Variants in SMG6 observed in about 807,000 individuals in gnomAD.
SMG6 encodes telomerase-binding protein EST1A.
In SMG6, 66 loss-of-function variants were observed where a neutral mutation model predicts 142.2. The observed-to-expected ratio is 0.46, with a 90% CI of 0.38 to 0.57. The LOEUF (loss-of-function observed/expected upper bound fraction) is 0.57. SMG6 is among the 20% of genes least tolerant of loss of function. The probability of loss-of-function intolerance (pLI) is 0.00; values close to 1 mark genes in which losing one functional copy is unlikely to be tolerated. For missense variants in SMG6, 1,793 were observed against 1,832.0 expected (o/e 0.98, Z 0.39); for synonymous variants, 779 against 702.4 (o/e 1.11, Z -1.72).
chr17:2,271,383 G>A (rs2074539889), intron 8 of SMG6, among the ~76,000 whole-genome samples: 1 of 151,058 alleles, frequency 6.6e-6, no homozygotes. Flanking sequence ...GAGCCACCAT[G>A]CCCAGCCAAG....
intron 13 of SMG6, among the ~76,000 whole-genome samples, chr17:2,140,976 G>A (rs1251944229): frequency 6.6e-6 from 1 of 152,208 alleles, no homozygotes; most frequent in African/African-American, 2.4e-5. Context: ...AACATTACAA[G>A]TTCCCAGGTG....
intron 13 of SMG6, among the ~76,000 whole-genome samples, chr17:2,161,046 A>G (rs1445862292): frequency 1.3e-5 from 2 of 150,500 alleles, no homozygotes; most frequent in Non-Finnish European, 3.0e-5. Context: ...GGTTGTATGT[A>G]TGTATGTAGG....
intron 13 of SMG6, among the ~76,000 whole-genome samples, chr17:2,164,767 T>G (rs1387650084): frequency 6.6e-6 from 1 of 151,166 alleles, no homozygotes; most frequent in Non-Finnish European, 1.5e-5. Context: ...CAAAACCCCA[T>G]CTCTACTAAA....
intron 10 of SMG6, among the ~76,000 whole-genome samples, chr17:2,211,866 A>T (rs2072875315): frequency 6.6e-6 from 1 of 152,064 alleles, no homozygotes. Flanking sequence ...CCACATCCAC[A>T]TCTCTCGCTC....
chr17:2,128,847 A>G (rs1423546953), intron 13 of SMG6, among the ~76,000 whole-genome samples: 3 of 149,434 alleles, frequency 2.0e-5, no homozygotes, highest in African/African-American at 5.0e-5. Flanking sequence ...GAGAGAGAGA[A>G]AGAAAGAAAG....
At position 2,065,510 on chromosome 17, in the gene SMG6, G is replaced by A. The variant is rs2232489; in HGVS notation, c.4005C>T (p.Leu1335=). The change falls in exon 17 of 19, where the codon CTC becomes CTT. Residue 1335 remains leucine (L), a synonymous_variant. Transcript: ENST00000263073. ...LRALTSRGNE[L]ESIAFRSEDI... ...CCTCACTGCGGAAGGCGATGGATTC[G>A]AGTTCATTGCCACGGCTGGTCAGGG... 5.6e-6 allele frequency: 9 copies of A among 1,613,620 alleles called. No individual in the cohort carries two copies. Among genetic ancestry groups the A allele is most frequent in the Middle Eastern group, 1.7e-4 (1 of 5,894 alleles).
chr17:2,079,120 C>T (rs1236896880), intron 15 of SMG6, among the ~76,000 whole-genome samples: 2 of 152,084 alleles, frequency 1.3e-5, no homozygotes, highest in Non-Finnish European at 2.9e-5. Context: ...CCCGCCACCA[C>T]ACCCGGCTCA....
intron 12 of SMG6, among the ~76,000 whole-genome samples, chr17:2,183,426 T>G (rs550823437): frequency 3.3e-5 from 5 of 152,012 alleles, no homozygotes; most frequent in Non-Finnish European, 7.4e-5. Context: ...ATGTGACACA[T>G]GGAACATGGA....
intron 10 of SMG6, among the ~76,000 whole-genome samples, chr17:2,230,083 G>A (rs1265256678): frequency 1.3e-5 from 2 of 150,048 alleles, no homozygotes; most frequent in Non-Finnish European, 3.0e-5. Context: ...CTACTCGGGA[G>A]GCTGAGGCAT....
At chr17:2,292,776 A>T in intron 5 of SMG6, 95 bp downstream of exon 5, 2 of 1,364,856 alleles carry the variant, frequency 1.5e-6, no homozygotes, top group Non-Finnish European at 2.1e-6. Context: ...ACCAATAGGG[A>T]CACCTGTACA....
chr17:2,095,734 C>T (rs1278552889), intron 13 of SMG6, among the ~76,000 whole-genome samples: 1 of 152,198 alleles, frequency 6.6e-6, no homozygotes, highest in Non-Finnish European at 1.5e-5. Flanking sequence ...GACACTGCTC[C>T]TTCATTCCTT....
At chr17:2,128,766 C>G (rs536921436) in intron 13 of SMG6, among the ~76,000 whole-genome samples, 2 of 140,934 alleles carry the variant, frequency 1.4e-5, no homozygotes, top group Non-Finnish European at 3.0e-5. Context: ...GGAGGTTGCA[C>G]TGAGCCAAGA....
chr17:2,150,967 C>T (rs977349478), intron 13 of SMG6, among the ~76,000 whole-genome samples: 4 of 152,198 alleles, frequency 2.6e-5, no homozygotes, highest in South Asian at 2.1e-4. Context: ...GGCGTGCTGC[C>T]GCCTCAAGTA....
In SMG6 at chr17:2,174,855, C is replaced by G. The variant is rs573360822; in HGVS notation, c.3156-1996G>C. Among the ~76,000 whole-genome samples, 11 of 152,296 alleles carry G rather than the reference C, an allele frequency of 7.2e-5. No homozygotes were observed. In the South Asian group the frequency reaches 2.3e-3, roughly 32 times the overall value. On this transcript the variant is annotated intron_variant, in intron 12 of 18. Transcript: ENST00000263073. ...CTCCTTTGTGATGTAATGGGAAACG[C>G]GGCATTCAGGCTACCAGCTGTAGAA...
At chr17:2,218,775 T>A (rs1330247778) in intron 10 of SMG6, among the ~76,000 whole-genome samples, 1 of 152,140 alleles carries the variant, frequency 6.6e-6, no homozygotes, top group Non-Finnish European at 1.5e-5. Context: ...AATAAGCTAG[T>A]TACCCACAGA....
intron 13 of SMG6, among the ~76,000 whole-genome samples, chr17:2,171,317 A>G (rs975481835): frequency 6.6e-6 from 1 of 150,718 alleles, no homozygotes; most frequent in Non-Finnish European, 1.5e-5. Context: ...TAGTATATAT[A>G]AATATTAATA....
chr17:2,273,576 C>T (rs761965063), intron 8 of SMG6, among the ~76,000 whole-genome samples: 1 of 152,044 alleles, frequency 6.6e-6, no homozygotes, highest in South Asian at 2.1e-4. Context: ...GAAGTTGCAG[C>T]GAGCAGAGAT....
At chr17:2,228,227 C>T (rs998155823) in intron 10 of SMG6, among the ~76,000 whole-genome samples, 1 of 151,778 alleles carries the variant, frequency 6.6e-6, no homozygotes, top group Non-Finnish European at 1.5e-5. Context: ...CTGCGCCCAG[C>T]TAACTTTTTT....
intron 9 of SMG6, chr17:2,236,966 C>A: frequency 2.2e-6 from 1 of 457,440 alleles, no homozygotes; most frequent in Non-Finnish European, 3.0e-6. Context: ...AAGTTTCTCT[C>A]TGAAACCATC....
Sources: gnomAD v4.1 joint callset for allele counts (sites outside exome capture counted in the v4.1 genomes callset) on GRCh38, gnomAD v4.1.1 for gene constraint, MANE v1.5 for transcripts, NCBI Gene and HGNC (gene_info 2026-07-23, HGNC 2026-07-21) for gene names.